The following MAML3 variants were observed in gnomAD, a reference collection of about 807,000 sequenced individuals.
The protein encoded by MAML3 is mastermind like transcriptional coactivator 3, also known as mastermind-like protein 3.
MAML3 carries 27 observed loss-of-function variants against 101.9 expected under a neutral mutation model. The observed-to-expected ratio is 0.27, with a 90% CI of 0.20 to 0.37. MAML3 has a LOEUF of 0.37. Ranked by LOEUF, MAML3 falls within the 10% of genes least tolerant of loss-of-function variation. The pLI is 1.00. For missense variants in MAML3, 1,316 were observed against 1,444.9 expected (o/e 0.91, Z 1.45); for synonymous variants, 501 against 555.9 (o/e 0.90, Z 1.39).
chr4:139,792,169 A>G (rs1384475139), intron 2 of MAML3, among the ~76,000 whole-genome samples: 3 of 152,232 alleles, frequency 2.0e-5, no homozygotes, highest in African/African-American at 7.2e-5. Flanking sequence ...CAGCTCATGG[A>G]TATATGGAGA....
intron 1 of MAML3, among the ~76,000 whole-genome samples, chr4:140,132,627 C>T (rs1243842610): frequency 6.6e-6 from 1 of 152,158 alleles, no homozygotes; most frequent in African/African-American, 2.4e-5. Flanking sequence ...AAAAGAGCTC[C>T]GAAGAAGGCA....
intron 1 of MAML3, among the ~76,000 whole-genome samples, chr4:140,012,237 G>A (rs1475674867): frequency 6.6e-6 from 1 of 152,222 alleles, no homozygotes; most frequent in African/African-American, 2.4e-5. Flanking sequence ...AGTTTTGCTT[G>A]TGAAATTTAA....
At chr4:139,952,054 A>G (rs1733840294) in intron 1 of MAML3, among the ~76,000 whole-genome samples, 1 of 152,056 alleles carries the variant, frequency 6.6e-6, no homozygotes, top group South Asian at 2.1e-4. Context: ...GATCCCAGCT[A>G]CTTCAGAGGC....
chr4:140,089,488 T>C (rs903662513), intron 1 of MAML3, among the ~76,000 whole-genome samples: 7 of 152,240 alleles, frequency 4.6e-5, no homozygotes, highest in Non-Finnish European at 1.0e-4. Flanking sequence ...TCTCTGTTTC[T>C]TCACCTGGGA....
At position 139,913,921 on chromosome 4, in the gene MAML3, A is replaced by G. The variant is rs1356876783; in HGVS notation, c.469-22954T>C. ...ATATTTCTTGCTTTTGTTAAAATTC[A>G]CCTTCATCCTAGTAAAAGAGGAGGA... On this transcript the variant is annotated intron_variant, in intron 1 of 4. Coordinates refer to ENST00000509479, the MANE Select transcript of MAML3 (RefSeq NM_018717.5). 2.0e-5 allele frequency among the ~76,000 whole-genome samples: 3 copies of G among 152,152 alleles called. No individual in the cohort carries two copies. In the East Asian group the frequency reaches 5.8e-4, roughly 29 times the overall value.
intron 1 of MAML3, among the ~76,000 whole-genome samples, chr4:139,935,883 T>A (rs1733497429): frequency 6.6e-6 from 1 of 152,320 alleles, no homozygotes; most frequent in South Asian, 2.1e-4. Context: ...TTATTTTCTA[T>A]GTGTTGAGAA....
chr4:139,816,371 C>G (rs1031458364), intron 2 of MAML3, among the ~76,000 whole-genome samples: 1 of 152,210 alleles, frequency 6.6e-6, no homozygotes, highest in Non-Finnish European at 1.5e-5. Context: ...GGCCGACCCT[C>G]TGGTAAAAAG....
chr4:140,043,018 A>AT (rs78027492), intron 1 of MAML3, among the ~76,000 whole-genome samples: 23 of 151,780 alleles, frequency 1.5e-4, no homozygotes, highest in Middle Eastern at 3.4e-3. Context: ...CCCAAATCTG[A>AT]TTTTTTTTAA....
At chr4:140,076,815 G>A (rs1043881400) in intron 1 of MAML3, among the ~76,000 whole-genome samples, 8 of 152,206 alleles carry the variant, frequency 5.3e-5, no homozygotes, top group Admixed American at 2.6e-4. Context: ...GACAGCTCGC[G>A]GGCAGACACA....
intron 1 of MAML3, among the ~76,000 whole-genome samples, chr4:140,053,575 C>G (rs1469724189): frequency 6.6e-6 from 1 of 152,070 alleles, no homozygotes; most frequent in African/African-American, 2.4e-5. Context: ...TAAACAAAAC[C>G]AAACATGGTA....
chr4:140,054,568 C>T (rs563525885), intron 1 of MAML3, among the ~76,000 whole-genome samples: 4 of 152,162 alleles, frequency 2.6e-5, no homozygotes, highest in Non-Finnish European at 2.9e-5. Context: ...TGTTTTCACA[C>T]GTTTGTTGCC....
chr4:140,093,927 G>A (rs768496759), intron 1 of MAML3, among the ~76,000 whole-genome samples: 5 of 152,148 alleles, frequency 3.3e-5, no homozygotes, highest in Non-Finnish European at 5.9e-5. Flanking sequence ...TGCTCACTGT[G>A]CAGCATGATC....
chr4:139,744,544 T>A (rs992176005), intron 2 of MAML3, among the ~76,000 whole-genome samples: 1 of 152,180 alleles, frequency 6.6e-6, no homozygotes, highest in African/African-American at 2.4e-5. Flanking sequence ...TAGAACACAA[T>A]GTGTGGCGTG....
chr4:140,039,060 A>G (rs1727035343), intron 1 of MAML3, among the ~76,000 whole-genome samples: 1 of 152,188 alleles, frequency 6.6e-6, no homozygotes, highest in Non-Finnish European at 1.5e-5. Flanking sequence ...TGGAGGTTGC[A>G]GTGAGTCGAG....
chr4:139,729,392 G>A (rs1310587446), intron 3 of MAML3, among the ~76,000 whole-genome samples: 1 of 152,102 alleles, frequency 6.6e-6, no homozygotes, highest in Admixed American at 6.5e-5. Flanking sequence ...GGCTGAGATG[G>A]GAGGATCGCT....
chr4:140,036,985 T>A (rs1235615700), intron 1 of MAML3, among the ~76,000 whole-genome samples: 1 of 152,176 alleles, frequency 6.6e-6, no homozygotes, highest in Non-Finnish European at 1.5e-5. Context: ...ACACAAGAAT[T>A]TATATCAGAC....
chr4:139,731,750 G>C (rs1043502084), intron 2 of MAML3, among the ~76,000 whole-genome samples: 1 of 152,226 alleles, frequency 6.6e-6, no homozygotes, highest in African/African-American at 2.4e-5. Context: ...TTAGGGAAGA[G>C]GAGGTCAAGT....
At chr4:140,097,422 A>C (rs1372318820) in intron 1 of MAML3, among the ~76,000 whole-genome samples, 1 of 152,218 alleles carries the variant, frequency 6.6e-6, no homozygotes, top group East Asian at 1.9e-4. Flanking sequence ...GAGTTGTTAC[A>C]GTCCCATGGT....
chr4:139,838,265 G>A (rs1731295216), intron 2 of MAML3, among the ~76,000 whole-genome samples: 1 of 152,110 alleles, frequency 6.6e-6, no homozygotes, highest in African/African-American at 2.4e-5. Flanking sequence ...CATGTAAGTG[G>A]ATCTACAGTT....
Sources: allele counts gnomAD v4.1 joint callset (sites outside exome capture counted in the v4.1 genomes callset), GRCh38; gene constraint gnomAD v4.1.1; transcripts MANE v1.5; gene names NCBI Gene and HGNC (gene_info 2026-07-23, HGNC 2026-07-21).